Variants in TENM2 observed in about 807,000 individuals in gnomAD.
TENM2 encodes teneurin transmembrane protein 2.
A neutral mutation model predicts 245.2 loss-of-function variants in TENM2; 52 were observed. The ratio of observed to expected loss-of-function variants is 0.21; its 90% CI spans 0.17 to 0.27. TENM2 has a LOEUF of 0.27. TENM2 is among the 10% of genes least tolerant of loss of function. The pLI is 1.00. For synonymous variants in TENM2, 1,363 were observed against 1,438.9 expected (o/e 0.95, Z 1.19); for missense variants, 3,046 against 3,666.8 (o/e 0.83, Z 4.37).
intron 2 of TENM2, among the ~76,000 whole-genome samples, chr5:167,873,040 A>G (rs1290544167): frequency 1.3e-5 from 2 of 152,238 alleles, no homozygotes; most frequent in Non-Finnish European, 2.9e-5. Flanking sequence ...TTTAAAGCCT[A>G]TTGATTGTGA....
the TENM2 span, among the ~76,000 whole-genome samples, chr5:167,162,340 C>A: frequency 7.9e-5 from 12 of 152,000 alleles, no homozygotes; most frequent in East Asian, 1.4e-3. Context: ...TATGTTGAAA[C>A]ATAAAAGCCG....
the TENM2 span, among the ~76,000 whole-genome samples, chr5:166,997,224 A>G: frequency 0.96 from 146,521 of 152,192 alleles, 70,604 homozygotes; most frequent in African/African-American, 0.99. Context: ...CCGCTTCAAT[A>G]TGAGGTGTTA....
intron 2 of TENM2, among the ~76,000 whole-genome samples, chr5:167,443,160 A>G (rs891895419): frequency 2.0e-5 from 3 of 152,314 alleles, no homozygotes; most frequent in East Asian, 3.9e-4. Context: ...GGACATGTCA[A>G]TAGCACAACT....
At chr5:167,929,513 C>T in intron 3 of TENM2, among the ~76,000 whole-genome samples, 1 of 152,168 alleles carries the variant, frequency 6.6e-6, no homozygotes, top group Non-Finnish European at 1.5e-5. Context: ...ATCTGTCTCT[C>T]TTACTAAAGG....
At chr5:167,577,058 G>T (rs960990628) in intron 2 of TENM2, among the ~76,000 whole-genome samples, 1 of 152,154 alleles carries the variant, frequency 6.6e-6, no homozygotes, top group South Asian at 2.1e-4. Flanking sequence ...GGGGACCCAC[G>T]CTGGAACTGC....
intron 3 of TENM2, among the ~76,000 whole-genome samples, chr5:167,943,586 A>G (rs991729195): frequency 2.6e-5 from 4 of 152,152 alleles, no homozygotes; most frequent in Non-Finnish European, 5.9e-5. Context: ...CTATTTTACA[A>G]TAAGACCTTG....
intron 2 of TENM2, among the ~76,000 whole-genome samples, chr5:167,573,222 T>G (rs1774399558): frequency 6.6e-6 from 1 of 152,162 alleles, no homozygotes; most frequent in African/African-American, 2.4e-5. Context: ...CAGCTTTCAT[T>G]TTTGCCTACA....
rs563748128 is a variant in TENM2 at position 167,547,863 on chromosome 5, A to G, written c.502+172390A>G. Among the ~76,000 whole-genome samples the G allele has an allele frequency of 1.1e-4, 17 of 152,362 alleles. No homozygotes were observed. The South Asian group carries it at 3.1e-3, about 28-fold the overall frequency. On this transcript the variant is annotated intron_variant, in intron 2 of 28. Coordinates refer to ENST00000518659, the Ensembl canonical transcript of TENM2. ...CCCTTCAATTTAAGGGACAAAGGGA[A>G]AGGTGGAGACAAGGATAGGAATAAG...
intron 2 of TENM2, among the ~76,000 whole-genome samples, chr5:167,496,373 C>T (rs1489159287): frequency 1.3e-5 from 2 of 151,980 alleles, no homozygotes; most frequent in East Asian, 1.9e-4. Context: ...TCTGTAGGTT[C>T]GGATGGATTT....
At chr5:167,726,143 C>T (rs536417489) in intron 2 of TENM2, among the ~76,000 whole-genome samples, 37 of 151,674 alleles carry the variant, frequency 2.4e-4, no homozygotes, top group Non-Finnish European at 4.0e-4. Flanking sequence ...CGGCATAGAG[C>T]AAGTACTCAA....
intron 2 of TENM2, among the ~76,000 whole-genome samples, chr5:167,580,479 G>A (rs1775011535): frequency 1.3e-5 from 2 of 152,176 alleles, no homozygotes; most frequent in Non-Finnish European, 2.9e-5. Flanking sequence ...TTAACTGGGT[G>A]CCAATCAGTC....
the TENM2 span, among the ~76,000 whole-genome samples, chr5:167,258,014 G>A: frequency 2.6e-5 from 4 of 151,914 alleles, no homozygotes; most frequent in Non-Finnish European, 5.9e-5. Context: ...GGAGGAAATG[G>A]CCATTGGTTT....
intron 5 of TENM2, among the ~76,000 whole-genome samples, chr5:168,022,543 G>A (rs2151913732): frequency 6.6e-6 from 1 of 152,322 alleles, no homozygotes; most frequent in Non-Finnish European, 1.5e-5. Context: ...CAACTCTTCA[G>A]CCTTCTACCA....
At chr5:167,251,477 A>C in the TENM2 span, among the ~76,000 whole-genome samples, 1 of 152,056 alleles carries the variant, frequency 6.6e-6, no homozygotes, top group African/African-American at 2.4e-5. Context: ...AGTGTCCTTC[A>C]CTCACTTGGA....
At chr5:167,915,664 T>C (rs1776883187) in intron 3 of TENM2, among the ~76,000 whole-genome samples, 1 of 152,070 alleles carries the variant, frequency 6.6e-6, no homozygotes, top group Non-Finnish European at 1.5e-5. Context: ...ACAACAAAAA[T>C]TAAAGGCATA....
the TENM2 span, among the ~76,000 whole-genome samples, chr5:167,035,227 GA>G: frequency 3.5e-4 from 51 of 146,136 alleles, no homozygotes; most frequent in Admixed American, 1.1e-3. Flanking sequence ...CACTCTATTG[GA>G]AAAAAAAAAG....
chr5:167,556,335 A>G (rs1324800322), intron 2 of TENM2, among the ~76,000 whole-genome samples: 1 of 151,574 alleles, frequency 6.6e-6, no homozygotes, highest in Non-Finnish European at 1.5e-5. Context: ...CTAAAACTTT[A>G]GAGGAAGGCA....
intron 2 of TENM2, among the ~76,000 whole-genome samples, chr5:167,870,554 CATAT>C (rs60172043): frequency 1.6e-5 from 2 of 128,392 alleles, no homozygotes; most frequent in Non-Finnish European, 3.4e-5. Flanking sequence ...AATGTGTATA[CATAT>C]ATATATATAT....
the TENM2 span, among the ~76,000 whole-genome samples, chr5:167,070,999 T>A: frequency 6.6e-6 from 1 of 152,176 alleles, no homozygotes; most frequent in East Asian, 1.9e-4. Context: ...CTGAGACAAG[T>A]GTCTGACCGT....
Sources: gnomAD v4.1 joint callset for allele counts (sites outside exome capture counted in the v4.1 genomes callset) on GRCh38, gnomAD v4.1.1 for gene constraint, MANE v1.5 for transcripts, NCBI Gene and HGNC (gene_info 2026-07-23, HGNC 2026-07-21) for gene names.